The following ADTRP variants were observed in gnomAD, a reference collection of about 807,000 sequenced individuals.
ADTRP encodes the protein androgen dependent TFPI regulating protein.
In ADTRP, 20 loss-of-function variants were observed where a neutral mutation model predicts 27.0. The observed-to-expected ratio is 0.74, with a 90% CI of 0.52 to 1.08. ADTRP has a LOEUF of 1.08. ADTRP is among the 50% of genes least tolerant of loss of function. The pLI, the probability that ADTRP is intolerant of heterozygous loss-of-function variation, is 0.00. For synonymous variants in ADTRP, 101 were observed against 105.2 expected, an observed-to-expected ratio of 0.96 and a Z score of 0.25; for missense variants, 251 against 275.0, an observed-to-expected ratio of 0.91 and a Z score of 0.62.
chr6:11,750,909 C>A (rs145664146), intron 3 of ADTRP, among the ~76,000 whole-genome samples: 1 of 152,162 alleles, frequency 6.6e-6, no homozygotes, highest in African/African-American at 2.4e-5. Flanking sequence ...CGGATTGCAA[C>A]GGCACAATCT....
At chr6:11,733,245 C>T (rs948270467) in intron 4 of ADTRP, among the ~76,000 whole-genome samples, 2 of 152,244 alleles carry the variant, frequency 1.3e-5, no homozygotes, top group African/African-American at 4.8e-5. Flanking sequence ...GTCTAATGTC[C>T]ACACTTCAGC....
chr6:11,739,824 T>G (rs529493418), intron 3 of ADTRP, among the ~76,000 whole-genome samples: 1 of 152,140 alleles, frequency 6.6e-6, no homozygotes, highest in Non-Finnish European at 1.5e-5. Context: ...ATCCGACAGG[T>G]CTTTATCACT....
chr6:11,746,860 C>T (rs1762880608), intron 3 of ADTRP, among the ~76,000 whole-genome samples: 1 of 152,120 alleles, frequency 6.6e-6, no homozygotes, highest in Non-Finnish European at 1.5e-5. Flanking sequence ...GTGTCTGGGA[C>T]CTTTAGGGCT....
At chr6:11,768,002 A>T (rs1483536269) in intron 2 of ADTRP, among the ~76,000 whole-genome samples, 1 of 152,202 alleles carries the variant, frequency 6.6e-6, no homozygotes, top group Admixed American at 6.5e-5. Context: ...CTTCCCCATT[A>T]GACGGCAATA....
At chr6:11,772,548 T>G (rs1763817606) in intron 1 of ADTRP, among the ~76,000 whole-genome samples, 1 of 152,228 alleles carries the variant, frequency 6.6e-6, no homozygotes, top group Non-Finnish European at 1.5e-5. Context: ...TTCCACAAGT[T>G]TCCTGAGCAA....
intron 1 of ADTRP, among the ~76,000 whole-genome samples, chr6:11,775,115 G>A (rs76924958): frequency 0.013 from 2,020 of 152,212 alleles, 24 homozygotes; most frequent in Admixed American, 0.023. Flanking sequence ...CATGCAGCTC[G>A]GGGAGGGAGA....
intron 4 of ADTRP, among the ~76,000 whole-genome samples, chr6:11,727,006 CATT>C (rs1029235332): frequency 1.3e-5 from 2 of 152,212 alleles, no homozygotes; most frequent in South Asian, 2.1e-4. Context: ...TAATTATCAT[CATT>C]GTTACTAATA....
intron 1 of ADTRP, among the ~76,000 whole-genome samples, chr6:11,771,104 G>A (rs570808063): frequency 2.0e-5 from 3 of 151,196 alleles, no homozygotes; most frequent in East Asian, 3.9e-4. Context: ...TGTGGAAATC[G>A]GATTGGGGGA....
chr6:11,753,309 T>A lies in ADTRP; in HGVS notation c.390+12965A>T, dbSNP rs181058947. Reference sequence around the variant, plus strand: ...TTTTAAAAATGTGAAGGGGCATTTGTGAATAGATTTGAGTTACCAGATGGT... The same window carrying A: ...TTTTAAAAATGTGAAGGGGCATTTGAGAATAGATTTGAGTTACCAGATGGT... On this transcript the variant is annotated intron_variant, in intron 3 of 5. Coordinates refer to ENST00000414691, the MANE Select transcript of ADTRP (RefSeq NM_032744.4). Among the ~76,000 whole-genome samples, 147 of 152,330 alleles carry A rather than the reference T, an allele frequency of 9.7e-4. 1 individual carries two copies. Among genetic ancestry groups the A allele is most frequent in the African/African-American group, 3.4e-3 (143 of 41,574 alleles).
rs1763563949 is a variant in ADTRP, at chr6:11,766,148, T to C, written c.390+126A>G. 4.6e-6 allele frequency: 3 copies of C among 647,514 alleles called. No homozygotes were observed. In the East Asian group the frequency reaches 8.8e-5, roughly 19 times the overall value. The allele number at this position is 647,514 out of a possible 1,614,324, so 40.1% of individuals were successfully genotyped here. On this transcript the variant is annotated intron_variant, in intron 3 of 5. Coordinates refer to ENST00000414691, the MANE Select transcript of ADTRP (RefSeq NM_032744.4). ...TCATACCTTCAATATGCCCTTTAAA[T>C]AAACAGTGATGAGGTAGATTGGATG...
intron 1 of ADTRP, among the ~76,000 whole-genome samples, chr6:11,771,533 G>A (rs1412695022): frequency 2.6e-5 from 4 of 152,162 alleles, no homozygotes; most frequent in African/African-American, 4.8e-5. Flanking sequence ...CATCCCACCC[G>A]AACGGTCTGC....
intron 3 of ADTRP, among the ~76,000 whole-genome samples, chr6:11,752,773 C>T (rs146185218): frequency 5.3e-5 from 8 of 152,168 alleles, no homozygotes; most frequent in Non-Finnish European, 1.2e-4. Flanking sequence ...CATGAGAATG[C>T]CTCTCATTGG....
intron 3 of ADTRP, among the ~76,000 whole-genome samples, chr6:11,757,825 G>C (rs950042826): frequency 2.6e-5 from 4 of 152,232 alleles, no homozygotes; most frequent in Admixed American, 1.3e-4. Flanking sequence ...CCTTCTGAGA[G>C]AGTATGGCTC....
intron 3 of ADTRP, among the ~76,000 whole-genome samples, chr6:11,757,270 C>T (rs930509648): frequency 2.0e-4 from 31 of 152,110 alleles, no homozygotes; most frequent in Non-Finnish European, 3.4e-4. Flanking sequence ...TATATGATGG[C>T]AACATCTCTT....
chr6:11,755,195 CA>C (rs1321393221), intron 3 of ADTRP: 1 of 418,966 alleles, frequency 2.4e-6, no homozygotes, highest in Non-Finnish European at 3.2e-6. Flanking sequence ...AGTAACTTCT[CA>C]GAAGACATCT....
intron 1 of ADTRP, among the ~76,000 whole-genome samples, chr6:11,775,646 C>G (rs1352980704): frequency 6.6e-6 from 1 of 152,128 alleles, no homozygotes; most frequent in Non-Finnish European, 1.5e-5. Context: ...CTGACCAATT[C>G]TCAATGGCAC....
intron 3 of ADTRP, among the ~76,000 whole-genome samples, chr6:11,751,244 A>AT (rs1581347432): frequency 1.3e-5 from 2 of 152,244 alleles, no homozygotes; most frequent in East Asian, 1.9e-4. Flanking sequence ...GGGAAGGAAC[A>AT]TAAGCTTGCA....
intron 3 of ADTRP, chr6:11,736,693 G>C (rs2113905573): frequency 6.6e-6 from 1 of 152,508 alleles, no homozygotes; most frequent in Non-Finnish European, 1.5e-5. Flanking sequence ...CCATGATGCT[G>C]TCTCTGAATT....
At chr6:11,769,925 A>G in intron 1 of ADTRP, 1 of 1,226,044 alleles carries the variant, frequency 8.2e-7, no homozygotes, top group South Asian at 1.3e-5. Context: ...ATTACTTGGT[A>G]TGTGCCAGGC....
Sources: allele counts gnomAD v4.1 joint callset (sites outside exome capture counted in the v4.1 genomes callset), GRCh38; gene constraint gnomAD v4.1.1; transcripts MANE v1.5; gene names NCBI Gene and HGNC (gene_info 2026-07-23, HGNC 2026-07-21).